Variants in SEMA5A observed in about 807,000 individuals in gnomAD.
SEMA5A encodes the protein semaphorin-5A.
In SEMA5A, 55 loss-of-function variants were observed where a neutral mutation model predicts 135.5. The observed-to-expected ratio is 0.41, with a 90% CI of 0.33 to 0.51. The LOEUF is 0.51. SEMA5A is among the 20% of genes least tolerant of loss of function. SEMA5A has a pLI of 0.37. For synonymous variants in SEMA5A, 580 were observed against 546.5 expected, an observed-to-expected ratio of 1.06 and a Z score of -0.85; for missense variants, 1,290 against 1,419.9, an observed-to-expected ratio of 0.91 and a Z score of 1.47.
intron 11 of SEMA5A, among the ~76,000 whole-genome samples, chr5:9,181,356 G>C (rs1206026077): frequency 1.3e-5 from 2 of 152,148 alleles, no homozygotes; most frequent in Admixed American, 1.3e-4. Context: ...AGTCCTTACA[G>C]GTGGAATTCC....
chr5:9,398,843 CT>C (rs1344949882), intron 2 of SEMA5A, among the ~76,000 whole-genome samples: 1 of 152,216 alleles, frequency 6.6e-6, no homozygotes. Flanking sequence ...TAGAAAGTGG[CT>C]GTGCCAGGAC....
chr5:9,126,367 G>T (rs570430199), intron 13 of SEMA5A, among the ~76,000 whole-genome samples: 3 of 152,176 alleles, frequency 2.0e-5, no homozygotes, highest in South Asian at 2.1e-4. Flanking sequence ...AAAGAGGATC[G>T]GACATTGGAT....
intron 5 of SEMA5A, among the ~76,000 whole-genome samples, chr5:9,254,029 T>C (rs369231305): frequency 3.9e-5 from 6 of 152,276 alleles, no homozygotes; most frequent in African/African-American, 1.4e-4. Context: ...AAAATAGAAA[T>C]AGAAACATTA....
At chr5:9,422,461 A>G (rs1440986016) in intron 2 of SEMA5A, 1 of 152,236 alleles carries the variant, frequency 6.6e-6, no homozygotes, top group East Asian at 1.9e-4. Flanking sequence ...GTTTATATAT[A>G]AAATAAGTTG....
intron 1 of SEMA5A, among the ~76,000 whole-genome samples, chr5:9,438,617 G>A (rs938782316): frequency 6.6e-6 from 1 of 152,184 alleles, no homozygotes; most frequent in African/African-American, 2.4e-5. Context: ...GGATGCCTGT[G>A]ACTTCAAATA....
intron 19 of SEMA5A, among the ~76,000 whole-genome samples, chr5:9,053,531 G>T (rs575173033): frequency 6.6e-6 from 1 of 152,200 alleles, no homozygotes; most frequent in African/African-American, 2.4e-5. Context: ...GTGTCCCCTT[G>T]TCACATTTTA....
intron 1 of SEMA5A, among the ~76,000 whole-genome samples, chr5:9,492,080 G>A (rs1735041392): frequency 6.6e-6 from 1 of 152,160 alleles, no homozygotes; most frequent in African/African-American, 2.4e-5. Context: ...TGCCTGCTGT[G>A]TATGACACAT....
chr5:9,149,734 G>A (rs1466979329), intron 12 of SEMA5A, among the ~76,000 whole-genome samples: 2 of 152,168 alleles, frequency 1.3e-5, no homozygotes, highest in East Asian at 1.9e-4. Flanking sequence ...CCTTGAAGAG[G>A]TACAATCAGT....
At chr5:9,534,566 C>G (rs548935823) in intron 1 of SEMA5A, among the ~76,000 whole-genome samples, 2 of 152,122 alleles carry the variant, frequency 1.3e-5, no homozygotes, top group Non-Finnish European at 2.9e-5. Flanking sequence ...GTTGCATCCC[C>G]ATGGAACATC....
intron 11 of SEMA5A, among the ~76,000 whole-genome samples, chr5:9,180,087 G>T (rs561525858): frequency 1.3e-5 from 2 of 152,250 alleles, no homozygotes; most frequent in South Asian, 4.1e-4. Context: ...TTATCACATG[G>T]CATTCTCCTG....
chr5:9,303,594 G>C (rs965017873), intron 5 of SEMA5A, among the ~76,000 whole-genome samples: 3 of 152,002 alleles, frequency 2.0e-5, no homozygotes, highest in Non-Finnish European at 4.4e-5. Context: ...CTGGAAGAGA[G>C]ACTTTCGAAT....
chr5:9,253,295 C>T (rs1748897517), intron 5 of SEMA5A, among the ~76,000 whole-genome samples: 1 of 152,060 alleles, frequency 6.6e-6, no homozygotes, highest in Non-Finnish European at 1.5e-5. Flanking sequence ...TGATAACTTT[C>T]TTCCATACAT....
At chr5:9,190,562 A>G in intron 10 of SEMA5A, 91 bp from the exon 11 acceptor site, 1 of 1,187,254 alleles carries the variant, frequency 8.4e-7, no homozygotes, top group Admixed American at 1.9e-5. Flanking sequence ...TAACTTGGAA[A>G]TCAAGTAAGC....
intron 8 of SEMA5A, among the ~76,000 whole-genome samples, chr5:9,202,933 C>CT (rs1163483601): frequency 6.6e-6 from 1 of 152,098 alleles, no homozygotes; most frequent in Non-Finnish European, 1.5e-5. Flanking sequence ...GGAGACATTG[C>CT]TTTGTAGTTT....
intron 1 of SEMA5A, among the ~76,000 whole-genome samples, chr5:9,458,655 G>A (rs1758938828): frequency 1.3e-5 from 2 of 152,216 alleles, no homozygotes; most frequent in African/African-American, 4.8e-5. Context: ...AAGGGTGAGG[G>A]AGGGAAGACT....
intron 8 of SEMA5A, among the ~76,000 whole-genome samples, chr5:9,220,789 A>G (rs1201671541): frequency 1.3e-5 from 2 of 152,210 alleles, no homozygotes; most frequent in African/African-American, 2.4e-5. Flanking sequence ...TCATCCTTCC[A>G]GTAAGATAGT....
At chr5:9,507,107 A>G (rs558541178) in intron 1 of SEMA5A, among the ~76,000 whole-genome samples, 41 of 152,328 alleles carry the variant, frequency 2.7e-4, no homozygotes, top group African/African-American at 9.4e-4. Context: ...GTAATAAATG[A>G]CATGGGTGTG....
intron 1 of SEMA5A, among the ~76,000 whole-genome samples, chr5:9,524,363 A>C (rs1737008764): frequency 6.6e-6 from 1 of 152,184 alleles, no homozygotes. Flanking sequence ...GCCCTAATGC[A>C]ATGACTGGGG....
At chr5:9,383,424 T>A (rs924744544) in intron 2 of SEMA5A, among the ~76,000 whole-genome samples, 1 of 152,090 alleles carries the variant, frequency 6.6e-6, no homozygotes, top group African/African-American at 2.4e-5. Context: ...TCAGCAATGA[T>A]AAAGATAAAA....
Sources: allele counts gnomAD v4.1 joint callset (sites outside exome capture counted in the v4.1 genomes callset), GRCh38; gene constraint gnomAD v4.1.1; transcripts MANE v1.5; gene names NCBI Gene and HGNC (gene_info 2026-07-23, HGNC 2026-07-21).